Variants in RNF150 observed in about 807,000 individuals in gnomAD.
RNF150 encodes the protein ring finger protein 150.
RNF150 carries 24 observed loss-of-function variants against 39.3 expected under a neutral mutation model. That is an observed-to-expected ratio of 0.61 (90% CI 0.44 to 0.86). RNF150 has a LOEUF of 0.86. Among genes scored for constraint, RNF150 ranks in the 40% least tolerant of loss-of-function variants. RNF150 has a pLI of 0.00. For synonymous variants in RNF150, 255 were observed against 227.3 expected (o/e 1.12, Z -1.10); for missense variants, 502 against 587.8 (o/e 0.85, Z 1.51).
intron 1 of RNF150, among the ~76,000 whole-genome samples, chr4:141,060,939 A>G (rs1266372395): frequency 1.3e-5 from 2 of 152,082 alleles, no homozygotes; most frequent in Non-Finnish European, 2.9e-5. Context: ...GTTGAACAAC[A>G]AGAACACATG....
chr4:140,961,604 T>A (rs930525404), intron 2 of RNF150, among the ~76,000 whole-genome samples: 1 of 152,032 alleles, frequency 6.6e-6, no homozygotes, highest in Non-Finnish European at 1.5e-5. Context: ...TTGAATGGAG[T>A]GGAACACTGG....
At chr4:141,013,231 G>A (rs1462911811) in intron 1 of RNF150, among the ~76,000 whole-genome samples, 1 of 152,130 alleles carries the variant, frequency 6.6e-6, no homozygotes, top group Non-Finnish European at 1.5e-5. Context: ...GGCTCGGATG[G>A]ACAGTAAAAT....
At chr4:140,911,545 T>C (rs975672171) in intron 5 of RNF150, among the ~76,000 whole-genome samples, 191 bp from the exon 6 acceptor site, 2 of 152,190 alleles carry the variant, frequency 1.3e-5, no homozygotes, top group African/African-American at 4.8e-5. Flanking sequence ...CAAAATTTCC[T>C]TTCCAAAGGT....
intron 2 of RNF150, among the ~76,000 whole-genome samples, chr4:140,962,065 TTCTC>T (rs70946717): frequency 0.018 from 2,654 of 149,190 alleles, 32 homozygotes; most frequent in Non-Finnish European, 0.025. Flanking sequence ...TCTCTCTCTC[TTCTC>T]TCTCTCTCTC....
At chr4:141,171,992 C>T (rs1359148056) in intron 1 of RNF150, among the ~76,000 whole-genome samples, 1 of 152,168 alleles carries the variant, frequency 6.6e-6, no homozygotes, top group Non-Finnish European at 1.5e-5. Context: ...TATAATACCG[C>T]ATATCATATA....
chr4:141,143,412 C>T (rs1386372902), intron 1 of RNF150, among the ~76,000 whole-genome samples: 1 of 152,166 alleles, frequency 6.6e-6, no homozygotes, highest in Non-Finnish European at 1.5e-5. Flanking sequence ...CACGTCTAAA[C>T]ATCTAACCCA....
intron 6 of RNF150, among the ~76,000 whole-genome samples, chr4:140,903,973 G>A (rs890327638): frequency 6.6e-6 from 1 of 152,236 alleles, no homozygotes; most frequent in Admixed American, 6.5e-5. Context: ...GTCTCGCTTT[G>A]AGTGGGCTTT....
At chr4:141,082,555 G>A (rs890430032) in intron 1 of RNF150, among the ~76,000 whole-genome samples, 11 of 152,124 alleles carry the variant, frequency 7.2e-5, no homozygotes, top group African/African-American at 2.7e-4. Flanking sequence ...TAATATAGCA[G>A]GGTCAAGAAA....
At chr4:140,933,715 C>T (rs1233855717) in intron 4 of RNF150, among the ~76,000 whole-genome samples, 1 of 152,156 alleles carries the variant, frequency 6.6e-6, no homozygotes, top group Non-Finnish European at 1.5e-5. Flanking sequence ...GGACGGGAGC[C>T]ATGCTTTTCC....
chr4:141,017,070 C>T (rs1330223463), intron 1 of RNF150, among the ~76,000 whole-genome samples: 16 of 151,708 alleles, frequency 1.1e-4, no homozygotes, highest in Middle Eastern at 3.2e-3. Context: ...CATGTGCTAC[C>T]CTGCTTGGAA....
chr4:140,869,119 C>G (rs555586764), intron 6 of RNF150, among the ~76,000 whole-genome samples: 66 of 152,158 alleles, frequency 4.3e-4, no homozygotes, highest in Non-Finnish European at 7.9e-4. Context: ...GCATGATTTA[C>G]AGTAGCAAAA....
At chr4:141,012,611 G>C (rs1735113015) in intron 1 of RNF150, among the ~76,000 whole-genome samples, 1 of 151,868 alleles carries the variant, frequency 6.6e-6, no homozygotes, top group African/African-American at 2.4e-5. Flanking sequence ...TCAAGAGATT[G>C]AGACCATCCT....
At chr4:141,103,999 T>C (rs1739110046) in intron 1 of RNF150, among the ~76,000 whole-genome samples, 1 of 152,244 alleles carries the variant, frequency 6.6e-6, no homozygotes, top group Admixed American at 6.5e-5. Context: ...TCAACCCATA[T>C]TTATTAAGGT....
At chr4:140,952,294 G>A (rs1172375026) in intron 2 of RNF150, among the ~76,000 whole-genome samples, 1 of 152,198 alleles carries the variant, frequency 6.6e-6, no homozygotes, top group East Asian at 1.9e-4. Context: ...TTACAGGCAT[G>A]AGCCACAGCG....
intron 6 of RNF150, chr4:140,910,913 G>A (rs763091019): frequency 5.0e-6 from 3 of 595,946 alleles, no homozygotes; most frequent in Non-Finnish European, 8.9e-6. Context: ...TGTGAGCCCT[G>A]GTGTCAGTGT....
intron 1 of RNF150, among the ~76,000 whole-genome samples, chr4:141,112,958 C>A (rs1739435215): frequency 6.6e-6 from 1 of 152,004 alleles, no homozygotes; most frequent in African/African-American, 2.4e-5. Context: ...TGTTTTCACG[C>A]TTTATTTCAT....
At chr4:141,026,727 G>A (rs1393362569) in intron 1 of RNF150, among the ~76,000 whole-genome samples, 2 of 152,162 alleles carry the variant, frequency 1.3e-5, no homozygotes, top group African/African-American at 4.8e-5. Context: ...ACCTGTTAAT[G>A]CCTTCCTGAA....
chr4:140,923,191 G>A lies in RNF150; in HGVS notation c.987+2786C>T, dbSNP rs904540246. Reference sequence around the variant, plus strand: ...CATCAGGGTGAACAGGCAACCTACAGAATGGGAGAAAATTTTCGCAACCTA... The same window carrying A: ...CATCAGGGTGAACAGGCAACCTACAAAATGGGAGAAAATTTTCGCAACCTA... On this transcript the variant is annotated intron_variant, in intron 5 of 6. Coordinates refer to ENST00000515673, the MANE Select transcript of RNF150 (RefSeq NM_020724.2). 1.3e-4 allele frequency among the ~76,000 whole-genome samples: 20 copies of A among 152,200 alleles called. No individual in the cohort carries two copies. The East Asian group carries it at 2.7e-3, about 21-fold the overall frequency.
At chr4:140,882,208 A>AT (rs1369176074) in intron 6 of RNF150, among the ~76,000 whole-genome samples, 3 of 151,868 alleles carry the variant, frequency 2.0e-5, no homozygotes, top group Admixed American at 1.3e-4. Flanking sequence ...TTTAGTAGAG[A>AT]CGGGGTTTCA....
Sources: allele counts gnomAD v4.1 joint callset (sites outside exome capture counted in the v4.1 genomes callset), GRCh38; gene constraint gnomAD v4.1.1; transcripts MANE v1.5; gene names NCBI Gene and HGNC (gene_info 2026-07-23, HGNC 2026-07-21).